The following AK7 variants were observed in gnomAD, a reference collection of about 807,000 sequenced individuals.
AK7 encodes the protein adenylate kinase 7, also known as ATP-AMP transphosphorylase 7.
AK7 carries 78 observed loss-of-function variants against 96.6 expected under a neutral mutation model. The ratio of observed to expected loss-of-function variants is 0.81; its 90% CI spans 0.67 to 0.97. The LOEUF (loss-of-function observed/expected upper bound fraction) is 0.97. Ranked by LOEUF, AK7 falls within the 50% of genes least tolerant of loss-of-function variation. The probability of loss-of-function intolerance (pLI) is 0.00; values close to 1 mark genes in which losing one functional copy is unlikely to be tolerated. For synonymous variants in AK7, 302 were observed against 317.2 expected (o/e 0.95, Z 0.51); for missense variants, 855 against 887.9 (o/e 0.96, Z 0.47).
rs754996668 is a variant in AK7 at position 96,449,858 on chromosome 14, A to G, written c.927A>G (p.Ala309=). Residue 309 remains alanine, a synonymous_variant, in exon 9 of 18, where the codon GCA becomes GCG. Coordinates refer to ENST00000267584, the MANE Select transcript of AK7 (RefSeq NM_152327.5). ...GKIQKIPREN[A]YLTKDLTQDC... ...TCCAGAAAATACCCAGAGAAAATGC[A>G]TACCTAACCAAGGACTTAACGGTTA... 8 of 1,609,848 alleles carry G rather than the reference A, an allele frequency of 5.0e-6. No homozygotes were observed. Among genetic ancestry groups the G allele is most frequent in the Non-Finnish European group, 5.1e-6 (6 of 1,177,910 alleles).
chr14:96,443,157 AAT>A lies in AK7; in HGVS notation c.779+342_779+343del, dbSNP rs1893049319. Among the ~76,000 whole-genome samples the A allele has an allele frequency of 2.0e-5, 3 of 152,360 alleles. No homozygotes were observed. In the South Asian group the frequency reaches 6.2e-4, roughly 32 times the overall value. ...TTATTCCTTTGTCCCAGATGAGATTAATATGTCTAACCCGTCAACTTAAATTC... is the reference window on the plus strand; with the variant it reads ...TTATTCCTTTGTCCCAGATGAGATTAATGTCTAACCCGTCAACTTAAATTC... On this transcript the variant is annotated intron_variant, in intron 7 of 17. Transcript: ENST00000267584.
chr14:96,406,912 C>A (rs768164055), intron 3 of AK7, among the ~76,000 whole-genome samples: 17 of 152,170 alleles, frequency 1.1e-4, no homozygotes, highest in Non-Finnish European at 2.2e-4. Flanking sequence ...CTTCTGGCCT[C>A]AAGCGATCCT....
chr14:96,463,681 C>G (rs1894393993), intron 12 of AK7, among the ~76,000 whole-genome samples: 1 of 136,750 alleles, frequency 7.3e-6, no homozygotes. Context: ...GATCACACCA[C>G]TGCACTCCAG....
chr14:96,421,978 G>A (rs28675692), intron 5 of AK7, among the ~76,000 whole-genome samples: 11,191 of 152,170 alleles, frequency 0.074, 1,414 homozygotes, highest in African/African-American at 0.25. Flanking sequence ...GTTCCCAGGC[G>A]GATTGGCAGG....
intron 14 of AK7, among the ~76,000 whole-genome samples, chr14:96,476,078 C>G (rs1461048015): frequency 1.3e-5 from 2 of 152,112 alleles, no homozygotes; most frequent in East Asian, 3.9e-4. Context: ...ATGGTATTCT[C>G]TCCCATTGAG....
intron 3 of AK7, among the ~76,000 whole-genome samples, chr14:96,407,565 T>C (rs969480172): frequency 2.1e-4 from 29 of 137,534 alleles, no homozygotes; most frequent in African/African-American, 7.1e-4. Flanking sequence ...TCTGATATGT[T>C]TCTTTCTTTC....
chr14:96,480,466 T>A lies in AK7; in HGVS notation c.1753+1804T>A. Among the ~76,000 whole-genome samples the A allele has an allele frequency of 1.3e-5, 2 of 151,942 alleles. 1 individual carries two copies. Among genetic ancestry groups the A allele is most frequent in the Middle Eastern group, 6.3e-3 (2 of 316 alleles). The stretch of plus-strand genomic sequence containing the variant: ...AAGAAATACAAAAACAATTTATAAA[T>A]CTGCAAATTCTTCTTGTCTGCACCC... On this transcript the variant is annotated intron_variant, in intron 15 of 17. Coordinates refer to ENST00000267584, the MANE Select transcript of AK7 (RefSeq NM_152327.5).
intron 8 of AK7, among the ~76,000 whole-genome samples, chr14:96,447,846 G>A (rs930154864): frequency 6.6e-6 from 1 of 152,168 alleles, no homozygotes; most frequent in African/African-American, 2.4e-5. Flanking sequence ...TCTGGCTAAA[G>A]CAGCTACCAT....
chr14:96,419,978 G>A (rs143047451), intron 4 of AK7, among the ~76,000 whole-genome samples: 12,763 of 150,788 alleles, frequency 0.085, 627 homozygotes, highest in East Asian at 0.12. Context: ...TAGCAGAGAC[G>A]GGGTTTCATC....
intron 13 of AK7, among the ~76,000 whole-genome samples, chr14:96,471,951 A>T (rs907614871): frequency 1.3e-5 from 2 of 152,122 alleles, no homozygotes; most frequent in Non-Finnish European, 2.9e-5. Flanking sequence ...GAGCTTATGC[A>T]TCTTGCCTGA....
chr14:96,461,846 A>G (rs984192316), intron 12 of AK7, among the ~76,000 whole-genome samples: 2 of 152,194 alleles, frequency 1.3e-5, no homozygotes, highest in African/African-American at 4.8e-5. Context: ...TTGGCCTCTG[A>G]AAGTGCTGGG....
chr14:96,471,629 G>A (rs1165001399), intron 13 of AK7, 23 bp downstream of exon 13: 4 of 1,499,378 alleles, frequency 2.7e-6, no homozygotes, highest in Non-Finnish European at 3.6e-6. Context: ...GTTCTATTTT[G>A]AGTATTTATA....
At chr14:96,397,137 C>T (rs1255352450) in intron 1 of AK7, among the ~76,000 whole-genome samples, 1 of 152,128 alleles carries the variant, frequency 6.6e-6, no homozygotes, top group Non-Finnish European at 1.5e-5. Flanking sequence ...GATGTACTTT[C>T]AGTGTAAAAT....
rs370257458 is a variant in AK7 at position 96,399,959 on chromosome 14, G to A, written c.294+1696G>A. Reference sequence around the variant, plus strand: ...CCGACTGCCTCCTAGACCAGTCCCCGGTTGTCCTGCAGGCATTGCTGAATC... The same window carrying A: ...CCGACTGCCTCCTAGACCAGTCCCCAGTTGTCCTGCAGGCATTGCTGAATC... On this transcript the variant is annotated intron_variant, in intron 2 of 17. Coordinates refer to ENST00000267584, the MANE Select transcript of AK7 (RefSeq NM_152327.5). The surrounding 1 kb of genome is among the most constrained non-coding windows in gnomAD (Gnocchi z 4.1). Among the ~76,000 whole-genome samples, 9 of 151,472 alleles carry A rather than the reference G, an allele frequency of 5.9e-5. No individual in the cohort carries two copies. The highest frequency in any genetic ancestry group is 2.1e-4 in the South Asian group (1 of 4,788).
At chr14:96,467,070 G>A (rs979906726) in intron 12 of AK7, among the ~76,000 whole-genome samples, 2 of 148,656 alleles carry the variant, frequency 1.3e-5, no homozygotes, top group Non-Finnish European at 3.0e-5. Flanking sequence ...AAAGGCAAAG[G>A]TTCTCATAAA....
At position 96,451,465 on chromosome 14, in the gene AK7, G is replaced by T; in HGVS notation, c.993G>T (p.Ala331=). 1.9e-6 allele frequency: 3 copies of T among 1,596,360 alleles called. No individual in the cohort carries two copies. Among genetic ancestry groups the T allele is most frequent in the Non-Finnish European group, 2.6e-6 (3 of 1,170,444 alleles). Residue 331 remains alanine, a synonymous_variant, in exon 10 of 18, where the codon GCG becomes GCT. Transcript: ENST00000267584. The part of the protein sequence containing the change: ...DHLLVNLRME[A]LFVKENFNIR... ...TACTGGTCAACTTAAGAATGGAAGCGCTCTTTGTGAAGGAGAATTTTAATA... is the reference window on the plus strand; with the variant it reads ...TACTGGTCAACTTAAGAATGGAAGCTCTCTTTGTGAAGGAGAATTTTAATA...
At chr14:96,410,995 T>C (rs1035134545) in intron 4 of AK7, among the ~76,000 whole-genome samples, 2 of 152,104 alleles carry the variant, frequency 1.3e-5, no homozygotes, top group African/African-American at 4.8e-5. Context: ...AGTGAGACCC[T>C]GCCTCAAATA....
intron 8 of AK7, among the ~76,000 whole-genome samples, chr14:96,448,630 TAAAAAAAAAAAAA>T (rs71103528): frequency 2.7e-5 from 2 of 74,898 alleles, no homozygotes; most frequent in East Asian, 4.5e-4. Context: ...ACCCTATCTC[TAAAAAAAAAAAAA>T]AAAAAAAAAA....
intron 12 of AK7, among the ~76,000 whole-genome samples, chr14:96,466,962 A>G (rs1894600927): frequency 6.6e-6 from 1 of 151,886 alleles, no homozygotes; most frequent in African/African-American, 2.4e-5. Context: ...CACATTCTGC[A>G]TGCACAATAA....
Sources: gnomAD v4.1 joint callset for allele counts (sites outside exome capture counted in the v4.1 genomes callset) on GRCh38, gnomAD v4.1.1 for gene constraint, Gnocchi (gnomAD v3.1) non-coding constraint, MANE v1.5 for transcripts, NCBI Gene and HGNC (gene_info 2026-07-23, HGNC 2026-07-21) for gene names.